The following ELOVL6 variants were observed in gnomAD, a reference collection of about 807,000 sequenced individuals.
ELOVL6 encodes ELOVL fatty acid elongase 6, also known as very long chain fatty acid elongase 6.
In ELOVL6, 8 loss-of-function variants were observed where a neutral mutation model predicts 31.7. The ratio of observed to expected loss-of-function variants is 0.25; its 90% CI spans 0.15 to 0.45. ELOVL6 has a LOEUF of 0.45. Among genes scored for constraint, ELOVL6 ranks in the 20% least tolerant of loss-of-function variants. The pLI is 1.00. For missense variants in ELOVL6, 126 were observed against 326.4 expected (o/e 0.39, Z 4.73); for synonymous variants, 101 against 117.7 (o/e 0.86, Z 0.92).
chr4:110,192,559 A>G (rs1759655506), intron 1 of ELOVL6, among the ~76,000 whole-genome samples: 1 of 152,242 alleles, frequency 6.6e-6, no homozygotes, highest in Non-Finnish European at 1.5e-5. Flanking sequence ...AGCACTAATT[A>G]TAACTAGTAC....
At chr4:110,069,321 CT>C (rs78751386) in intron 2 of ELOVL6, among the ~76,000 whole-genome samples, 53,063 of 147,718 alleles carry the variant, frequency 0.36, 11,678 homozygotes, top group East Asian at 0.73. Context: ...CTTAAGCTAC[CT>C]TTTTTTTTTT....
chr4:110,092,161 C>T (rs1029021531), intron 2 of ELOVL6, among the ~76,000 whole-genome samples: 4 of 152,092 alleles, frequency 2.6e-5, no homozygotes, highest in Non-Finnish European at 5.9e-5. Context: ...CAAGAGTTGC[C>T]GGTTTCAAGG....
At chr4:110,172,796 A>C (rs534041276) in intron 1 of ELOVL6, among the ~76,000 whole-genome samples, 1 of 152,378 alleles carries the variant, frequency 6.6e-6, no homozygotes, top group Non-Finnish European at 1.5e-5. Flanking sequence ...AAGAGCTTTT[A>C]AGTCTTGTTA....
intron 2 of ELOVL6, among the ~76,000 whole-genome samples, chr4:110,061,878 T>C (rs1406674270): frequency 6.6e-6 from 1 of 152,148 alleles, no homozygotes; most frequent in Admixed American, 6.5e-5. Context: ...ACTATGTAAT[T>C]CCCACATGAT....
intron 1 of ELOVL6, among the ~76,000 whole-genome samples, chr4:110,187,451 A>C (rs1004716858): frequency 6.6e-6 from 1 of 151,782 alleles, no homozygotes; most frequent in Non-Finnish European, 1.5e-5. Context: ...AAATGAAAAA[A>C]AAAAAAAAAT....
At chr4:110,057,857 A>G (rs1483675465) in intron 3 of ELOVL6, among the ~76,000 whole-genome samples, 1 of 151,142 alleles carries the variant, frequency 6.6e-6, no homozygotes, top group Non-Finnish European at 1.5e-5. Flanking sequence ...TCTCAGGGAA[A>G]AAAAAAAAAA....
chr4:110,173,998 A>T (rs575092734), intron 1 of ELOVL6, among the ~76,000 whole-genome samples: 1 of 152,244 alleles, frequency 6.6e-6, no homozygotes, highest in African/African-American at 2.4e-5. Context: ...AAGTTAAAAA[A>T]ATAAAAATAT....
intron 1 of ELOVL6, among the ~76,000 whole-genome samples, chr4:110,177,913 A>T (rs1019775381): frequency 1.3e-5 from 2 of 152,218 alleles, no homozygotes; most frequent in African/African-American, 4.8e-5. Flanking sequence ...TCCATGAAGA[A>T]AATAATCTGA....
intron 1 of ELOVL6, among the ~76,000 whole-genome samples, chr4:110,155,101 C>T (rs1277774809): frequency 6.6e-6 from 1 of 151,814 alleles, no homozygotes; most frequent in African/African-American, 2.4e-5. Context: ...ATATAATTGC[C>T]CAATAAATAT....
At chr4:110,056,122 T>TGGGGG (rs145744279) in intron 3 of ELOVL6, among the ~76,000 whole-genome samples, 8 of 123,250 alleles carry the variant, frequency 6.5e-5, no homozygotes, top group Non-Finnish European at 1.2e-4. Context: ...TTGTGGGAGC[T>TGGGGG]GGGGGGGGGG....
intron 1 of ELOVL6, among the ~76,000 whole-genome samples, chr4:110,125,741 C>T (rs977538895): frequency 3.3e-5 from 5 of 151,488 alleles, no homozygotes; most frequent in Non-Finnish European, 5.9e-5. Flanking sequence ...GCAAAAGAAT[C>T]GCTTGAACCT....
chr4:110,111,513 G>A (rs1757036443), intron 1 of ELOVL6, among the ~76,000 whole-genome samples: 1 of 151,776 alleles, frequency 6.6e-6, no homozygotes, highest in Non-Finnish European at 1.5e-5. Flanking sequence ...TGGTTAGTAA[G>A]ACATTGAATG....
chr4:110,108,034 C>T (rs1756932698), intron 1 of ELOVL6, among the ~76,000 whole-genome samples: 1 of 152,092 alleles, frequency 6.6e-6, no homozygotes, highest in African/African-American at 2.4e-5. Context: ...CTTAAGCTGT[C>T]CTGTTGAATT....
chr4:110,130,949 ATAAAGATCATTAGATACT>A, intron 1 of ELOVL6, among the ~76,000 whole-genome samples: 1 of 152,374 alleles, frequency 6.6e-6, no homozygotes, highest in East Asian at 1.9e-4. Flanking sequence ...TTTAACACAT[ATAAAGATCATTAGATACT>A]TCACTCTAAC....
intron 2 of ELOVL6, among the ~76,000 whole-genome samples, chr4:110,062,745 A>C (rs1755182622): frequency 6.6e-6 from 1 of 152,156 alleles, no homozygotes; most frequent in Admixed American, 6.5e-5. Flanking sequence ...CACACATTTA[A>C]GTTCTCGGCC....
chr4:110,084,113 T>TATATGGTATATAACACATGCTATATATG, intron 2 of ELOVL6, among the ~76,000 whole-genome samples: 1 of 76,946 alleles, frequency 1.3e-5, no homozygotes, highest in South Asian at 4.0e-4. Flanking sequence ...ATATATATGA[T>TATATGGTATATAACACATGCTATATATG]ATATATAACA....
chr4:110,187,870 T>C (rs996121763), intron 1 of ELOVL6, among the ~76,000 whole-genome samples: 6 of 152,190 alleles, frequency 3.9e-5, no homozygotes, highest in Non-Finnish European at 7.3e-5. Flanking sequence ...TGGCAGCCTC[T>C]GGAAAAGAAT....
At chr4:110,109,956 A>AG (rs1045733539) in intron 1 of ELOVL6, among the ~76,000 whole-genome samples, 1 of 152,180 alleles carries the variant, frequency 6.6e-6, no homozygotes, top group African/African-American at 2.4e-5. Flanking sequence ...AAAAGCAGTG[A>AG]GGGGAAAAAA....
At chr4:110,083,258 T>C (rs993507194) in intron 2 of ELOVL6, among the ~76,000 whole-genome samples, 1 of 151,528 alleles carries the variant, frequency 6.6e-6, no homozygotes, top group Non-Finnish European at 1.5e-5. Context: ...CCAGGTAAAG[T>C]GATAATGGAC....
Sources: gnomAD v4.1 joint callset for allele counts (sites outside exome capture counted in the v4.1 genomes callset) on GRCh38, gnomAD v4.1.1 for gene constraint, MANE v1.5 for transcripts, NCBI Gene and HGNC (gene_info 2026-07-23, HGNC 2026-07-21) for gene names.